The following KIF5C variants were observed in gnomAD, a reference collection of about 807,000 sequenced individuals.
KIF5C encodes kinesin family member 5C, also known as kinesin heavy chain isoform 5C.
Under a neutral mutation model 125.2 loss-of-function variants are expected in KIF5C, and 18 were observed. That is an observed-to-expected ratio of 0.14 (90% CI 0.10 to 0.21). The LOEUF (loss-of-function observed/expected upper bound fraction) is 0.21. Among genes scored for constraint, KIF5C ranks in the 10% least tolerant of loss-of-function variants. KIF5C has a pLI of 1.00. For missense variants in KIF5C, 780 were observed against 1,183.8 expected (o/e 0.66, Z 5.01); for synonymous variants, 405 against 434.0 (o/e 0.93, Z 0.83).
chr2:148,980,193 T>C lies in KIF5C; in HGVS notation c.1363-1162T>C, dbSNP rs191585345. The stretch of plus-strand genomic sequence containing the variant: ...AACACTTCCCTTGGTAGGGAGATAA[T>C]CTACACTTTTGTAATCAGGTGAACC... On this transcript the variant is annotated intron_variant, in intron 13 of 25. Transcript: ENST00000435030. 7.2e-5 allele frequency among the ~76,000 whole-genome samples: 11 copies of C among 152,272 alleles called. No individual in the cohort carries two copies. In the East Asian group the frequency reaches 1.4e-3, roughly 19 times the overall value.
chr2:148,935,792 A>G (rs1306492416), intron 3 of KIF5C, among the ~76,000 whole-genome samples: 1 of 152,220 alleles, frequency 6.6e-6, no homozygotes, highest in Non-Finnish European at 1.5e-5. Context: ...ATCCTATTTA[A>G]CTTGAATTCT....
intron 3 of KIF5C, among the ~76,000 whole-genome samples, chr2:148,933,852 C>T (rs1292126518): frequency 6.6e-6 from 1 of 151,432 alleles, no homozygotes; most frequent in Non-Finnish European, 1.5e-5. Flanking sequence ...CACACAGACA[C>T]ACCACACACC....
At chr2:149,014,821 G>A (rs1163776026) in intron 25 of KIF5C, among the ~76,000 whole-genome samples, 5 of 152,166 alleles carry the variant, frequency 3.3e-5, no homozygotes, top group African/African-American at 1.2e-4. Flanking sequence ...AATAAATCCT[G>A]GCGACTGGAT....
chr2:148,960,760 GTAATTAACC>G (rs1186937044), intron 10 of KIF5C, among the ~76,000 whole-genome samples: 1 of 152,248 alleles, frequency 6.6e-6, no homozygotes. Context: ...GCTGACAACG[GTAATTAACC>G]CGAATCACAA....
intron 3 of KIF5C, among the ~76,000 whole-genome samples, chr2:148,934,296 C>A (rs1055688358): frequency 3.3e-5 from 5 of 151,320 alleles, no homozygotes; most frequent in African/African-American, 1.2e-4. Context: ...CCACACATGA[C>A]CCCTACATAA....
chr2:149,008,147 C>A, intron 23 of KIF5C, 80 bp downstream of exon 23: 1 of 1,450,976 alleles, frequency 6.9e-7, no homozygotes. Flanking sequence ...CCACAGTGTG[C>A]GGAGAAGGCA....
Position 148,875,575 on chromosome 2 carries a change from G to GGCCCCCCCCCCCCCCCCCCCC in KIF5C, c.-43_-42insGCCCCCCCCCCCCCCCCCCCC. On this transcript the variant is annotated 5_prime_UTR_variant, in exon 1 of 26. Coordinates refer to ENST00000435030, the MANE Select transcript of KIF5C (RefSeq NM_004522.3). ...TCCTCCCTCGTCGTTCCCGGCCCCG[G>GGCCCCCCCCCCCCCCCCCCCC]CCCCCCACCCATCCCCGTGCCCCCT... The GGCCCCCCCCCCCCCCCCCCCC allele has an allele frequency of 2.6e-5, 18 of 699,582 alleles. No homozygotes were observed. Among genetic ancestry groups the GGCCCCCCCCCCCCCCCCCCCC allele is most frequent in the East Asian group, 9.0e-5 (3 of 33,458 alleles). 43.3% of individuals were successfully genotyped at this position (699,582 alleles called of 1,614,324 possible).
rs570469173 is a variant in KIF5C, at chr2:148,924,240, G to C, written c.217+2013G>C. 1.8e-4 allele frequency among the ~76,000 whole-genome samples: 27 copies of C among 152,266 alleles called. No homozygotes were observed. The highest frequency in any genetic ancestry group is 6.5e-4 in the African/African-American group (27 of 41,554). On this transcript the variant is annotated intron_variant, in intron 2 of 25. Coordinates refer to ENST00000435030, the MANE Select transcript of KIF5C (RefSeq NM_004522.3). This position sits in a 1 kb window ranked among gnomAD's most constrained non-coding sequence, Gnocchi z 4.0. ...ATAGCTGAGGTATCTCTTGCCATGA[G>C]TAACCCTATTTAAATCAAGATTGGG...
chr2:148,938,478 G>A (rs1180535941), intron 4 of KIF5C, among the ~76,000 whole-genome samples: 1 of 152,054 alleles, frequency 6.6e-6, no homozygotes, highest in Non-Finnish European at 1.5e-5. Context: ...CTCTTGTTCT[G>A]GAGCATCTTT....
At chr2:148,906,715 A>G (rs1681122341) in intron 1 of KIF5C, among the ~76,000 whole-genome samples, 2 of 151,232 alleles carry the variant, frequency 1.3e-5, no homozygotes, top group African/African-American at 2.4e-5. Context: ...AAATACAAAA[A>G]TTACCTGGGT....
At chr2:148,888,984 A>G (rs1330710957) in intron 1 of KIF5C, among the ~76,000 whole-genome samples, 1 of 152,110 alleles carries the variant, frequency 6.6e-6, no homozygotes, top group Non-Finnish European at 1.5e-5. Flanking sequence ...TGGGATCTCC[A>G]CTTTCCCTTA....
rs994648576 is a variant in KIF5C, at chr2:148,949,705, T to C, written c.715-134T>C. 7.9e-6 allele frequency: 10 copies of C among 1,265,274 alleles called. No homozygotes were observed. The East Asian group carries it at 2.0e-4, about 26-fold the overall frequency. 78.4% of individuals were successfully genotyped at this position (1,265,274 alleles called of 1,614,324 possible). A position where few individuals can be genotyped will look rare whatever the true frequency, so the allele number is the denominator to read the frequency against. On this transcript the variant is annotated intron_variant, in intron 8 of 25. Coordinates refer to ENST00000435030, the MANE Select transcript of KIF5C (RefSeq NM_004522.3). ...TACACGAAGGATGGTTTTTTATCACTGTGGGTCTTCTCTACTTTTATTTTT... is the reference window on the plus strand; with the variant it reads ...TACACGAAGGATGGTTTTTTATCACCGTGGGTCTTCTCTACTTTTATTTTT...
At chr2:148,928,600 G>A (rs755615667) in intron 2 of KIF5C, among the ~76,000 whole-genome samples, 37 of 152,284 alleles carry the variant, frequency 2.4e-4, no homozygotes, top group Non-Finnish European at 5.0e-4. Flanking sequence ...GGTTTGCACA[G>A]TGCTCTCATT....
chr2:148,962,084 A>C lies in KIF5C; in HGVS notation c.1082A>C (p.Gln361Pro), dbSNP rs1239451505. 2 of 1,612,360 alleles carry C rather than the reference A, an allele frequency of 1.2e-6. No homozygotes were observed. The highest frequency in any genetic ancestry group is 3.3e-5 in the Admixed American group (2 of 59,708). ...EKNKTLKNVI[Q>P]HLEMELNRWR... ...AACAAGACTTTGAAGAATGTTATCC[A>C]GCATCTGGAGATGGAGCTAAACAGG... The change falls in exon 11 of 26, where the codon CAG becomes CCG. Residue 361 changes from glutamine (Q) to proline (P), a missense_variant. By Grantham distance (76) the Gln-to-Pro change is moderately conservative (BLOSUM62 -1). Coordinates refer to ENST00000435030, the MANE Select transcript of KIF5C (RefSeq NM_004522.3).
At chr2:148,982,917 A>T (rs568803933) in intron 14 of KIF5C, among the ~76,000 whole-genome samples, 10 of 152,360 alleles carry the variant, frequency 6.6e-5, no homozygotes, top group Admixed American at 2.0e-4. Flanking sequence ...TGTTTTACTG[A>T]TGTTAAACGT....
chr2:148,920,598 C>G (rs937509533), intron 1 of KIF5C, among the ~76,000 whole-genome samples: 17 of 152,204 alleles, frequency 1.1e-4, no homozygotes, highest in African/African-American at 3.6e-4. Flanking sequence ...CCCTATTTCT[C>G]TAAGACCAAA....
chr2:148,901,149 C>T (rs958176721), intron 1 of KIF5C, among the ~76,000 whole-genome samples: 4 of 152,148 alleles, frequency 2.6e-5, no homozygotes, highest in African/African-American at 7.2e-5. Flanking sequence ...TAGTGGAATA[C>T]TTCACATCTA....
intron 2 of KIF5C, among the ~76,000 whole-genome samples, chr2:148,926,124 C>A (rs1287004589): frequency 6.6e-6 from 1 of 152,228 alleles, no homozygotes; most frequent in Non-Finnish European, 1.5e-5. Context: ...ATCACATCCT[C>A]CCCCAATTCT....
chr2:148,986,479 A>C (rs1681384679), intron 15 of KIF5C, among the ~76,000 whole-genome samples: 1 of 152,216 alleles, frequency 6.6e-6, no homozygotes, highest in African/African-American at 2.4e-5. Flanking sequence ...TTATAAAATG[A>C]CAAGATAAGC....
Sources: allele counts gnomAD v4.1 joint callset (sites outside exome capture counted in the v4.1 genomes callset), GRCh38; gene constraint gnomAD v4.1.1; non-coding constraint Gnocchi (gnomAD v3.1); transcripts MANE v1.5; gene names NCBI Gene and HGNC (gene_info 2026-07-23, HGNC 2026-07-21).